GALNTL6: variants seen among roughly 807,000 people sequenced by gnomAD.
The protein encoded by GALNTL6 is polypeptide N-acetylgalactosaminyltransferase-like 6.
GALNTL6 carries 46 observed loss-of-function variants against 73.7 expected under a neutral mutation model. That is an observed-to-expected ratio of 0.62 (90% CI 0.49 to 0.80). The LOEUF (loss-of-function observed/expected upper bound fraction) is 0.80, where lower values mean the gene tolerates loss of function less well. Among genes scored for constraint, GALNTL6 ranks in the 30% least tolerant of loss-of-function variants. GALNTL6 has a pLI of 0.00. For synonymous variants in GALNTL6, 259 were observed against 263.7 expected (o/e 0.98, Z 0.17); for missense variants, 604 against 755.0 (o/e 0.80, Z 2.34).
chr4:173,001,267 A>G (rs1286888018), intron 10 of GALNTL6, among the ~76,000 whole-genome samples: 1 of 152,216 alleles, frequency 6.6e-6, no homozygotes, highest in Non-Finnish European at 1.5e-5. Flanking sequence ...CTGTAGTTTA[A>G]TCCACTTGGT....
chr4:173,019,485 C>G (rs1053603104), intron 11 of GALNTL6, among the ~76,000 whole-genome samples: 7 of 152,116 alleles, frequency 4.6e-5, no homozygotes, highest in African/African-American at 9.7e-5. Context: ...CTTCAAAATC[C>G]AAGAGAGCAG....
intron 5 of GALNTL6, among the ~76,000 whole-genome samples, chr4:172,437,144 G>A (rs749405924): frequency 2.0e-5 from 3 of 151,982 alleles, no homozygotes; most frequent in Admixed American, 6.6e-5. Context: ...TCGTTATTAC[G>A]ACTTATATTA....
intron 7 of GALNTL6, among the ~76,000 whole-genome samples, chr4:172,842,687 G>T (rs1415605277): frequency 1.3e-5 from 2 of 151,538 alleles, no homozygotes; most frequent in African/African-American, 4.9e-5. Context: ...AGTCATTCCT[G>T]TAGGTAACAT....
chr4:172,180,470 A>G (rs1003827989), intron 2 of GALNTL6, among the ~76,000 whole-genome samples: 1 of 151,744 alleles, frequency 6.6e-6, no homozygotes, highest in Non-Finnish European at 1.5e-5. Flanking sequence ...CCATTTGTCA[A>G]TTTTGGCTTT....
chr4:172,688,187 G>A (rs1161218325), intron 5 of GALNTL6, among the ~76,000 whole-genome samples: 1 of 147,574 alleles, frequency 6.8e-6, no homozygotes, highest in African/African-American at 2.5e-5. Context: ...ACTGTCTAAG[G>A]AATAACCACT....
chr4:172,993,451 C>G (rs1451625655), intron 10 of GALNTL6, among the ~76,000 whole-genome samples: 2 of 152,202 alleles, frequency 1.3e-5, no homozygotes, highest in Non-Finnish European at 2.9e-5. Context: ...AAAACCATTC[C>G]AGGTGCCAGT....
intron 2 of GALNTL6, among the ~76,000 whole-genome samples, chr4:171,896,552 T>G (rs1452735220): frequency 6.6e-6 from 1 of 152,222 alleles, no homozygotes; most frequent in African/African-American, 2.4e-5. Context: ...GTTGGCAGAT[T>G]TGTTGTCTGG....
chr4:172,798,314 T>C (rs116082208), intron 5 of GALNTL6, among the ~76,000 whole-genome samples: 1,888 of 152,334 alleles, frequency 0.012, 38 homozygotes, highest in African/African-American at 0.043. Context: ...TAGGGCCTGG[T>C]AAGAGGTGAC....
chr4:172,772,380 T>G (rs142943707), intron 5 of GALNTL6, among the ~76,000 whole-genome samples: 143 of 152,290 alleles, frequency 9.4e-4, no homozygotes, highest in Non-Finnish European at 1.8e-3. Context: ...ATGTAACTGT[T>G]TGGTTTTGTG....
intron 7 of GALNTL6, among the ~76,000 whole-genome samples, chr4:172,844,010 G>A (rs1033651632): frequency 1.3e-5 from 2 of 152,166 alleles, no homozygotes; most frequent in South Asian, 2.1e-4. Flanking sequence ...AGTGAGCTGA[G>A]ATCATGTCAC....
intron 5 of GALNTL6, among the ~76,000 whole-genome samples, chr4:172,478,284 C>A (rs1319721413): frequency 1.3e-5 from 2 of 152,120 alleles, no homozygotes; most frequent in East Asian, 3.9e-4. Context: ...GCTGTAGTAA[C>A]CAAACAGCAT....
intron 2 of GALNTL6, among the ~76,000 whole-genome samples, chr4:171,941,221 G>A (rs1382429860): frequency 6.6e-6 from 1 of 152,168 alleles, no homozygotes; most frequent in African/African-American, 2.4e-5. Context: ...AGTGAAGCTT[G>A]ACTCATTGTT....
At chr4:172,907,086 C>G (rs1384180131) in intron 8 of GALNTL6, among the ~76,000 whole-genome samples, 1 of 152,042 alleles carries the variant, frequency 6.6e-6, no homozygotes, top group East Asian at 1.9e-4. Flanking sequence ...GTCAACCACA[C>G]TGACCAATGA....
intron 4 of GALNTL6, among the ~76,000 whole-genome samples, chr4:172,347,734 A>G (rs1022826127): frequency 6.6e-6 from 1 of 152,018 alleles, no homozygotes; most frequent in African/African-American, 2.4e-5. Context: ...TATAATTTTG[A>G]TGGGTTTTCA....
chr4:172,652,771 A>C (rs2111155802), intron 5 of GALNTL6, among the ~76,000 whole-genome samples: 1 of 152,278 alleles, frequency 6.6e-6, no homozygotes. Context: ...TTAACCCCAG[A>C]ATTTCACTCC....
chr4:171,921,299 C>T (rs1032189447), intron 2 of GALNTL6, among the ~76,000 whole-genome samples: 4 of 152,024 alleles, frequency 2.6e-5, no homozygotes, highest in Non-Finnish European at 5.9e-5. Flanking sequence ...TTTTGTTTTG[C>T]TTTTAGGATA....
In GALNTL6 at chr4:172,191,121, G is replaced by A. The variant is rs189312715; in HGVS notation, c.139-38535G>A. Among the ~76,000 whole-genome samples the A allele has an allele frequency of 1.2e-3, 184 of 152,280 alleles. 1 individual carries two copies. The highest frequency in any genetic ancestry group is 4.4e-4 in the Non-Finnish European group (30 of 68,022). On this transcript the variant is annotated intron_variant, in intron 2 of 12. Transcript: ENST00000506823. ...CTTCAAATGCAGTATGTTCAAAACT[G>A]AACTGTGTGATTGCCCTTTAATTTC...
chr4:172,369,898 C>A (rs1237850017), intron 5 of GALNTL6, among the ~76,000 whole-genome samples: 1 of 152,210 alleles, frequency 6.6e-6, no homozygotes, highest in Non-Finnish European at 1.5e-5. Flanking sequence ...CGGCCTCGGC[C>A]AACCCAGAGA....
intron 5 of GALNTL6, among the ~76,000 whole-genome samples, chr4:172,498,451 T>G (rs951575231): frequency 1.1e-4 from 17 of 152,212 alleles, no homozygotes; most frequent in African/African-American, 4.1e-4. Context: ...TTTTACACAT[T>G]TATACTCTAA....
Sources: allele counts gnomAD v4.1 joint callset (sites outside exome capture counted in the v4.1 genomes callset), GRCh38; gene constraint gnomAD v4.1.1; transcripts MANE v1.5; gene names NCBI Gene and HGNC (gene_info 2026-07-23, HGNC 2026-07-21).